Variants in EPC2 observed in about 807,000 individuals in gnomAD.
The protein encoded by EPC2 is enhancer of polycomb 2.
In EPC2, 14 loss-of-function variants were observed where a neutral mutation model predicts 92.1. The ratio of observed to expected loss-of-function variants is 0.15; its 90% CI spans 0.10 to 0.24. The LOEUF is 0.24. Ranked by LOEUF, EPC2 falls within the 10% of genes least tolerant of loss-of-function variation. The probability of loss-of-function intolerance (pLI) is 1.00; values close to 1 mark genes in which losing one functional copy is unlikely to be tolerated. For synonymous variants in EPC2, 340 were observed against 334.7 expected (o/e 1.02, Z -0.17); for missense variants, 755 against 971.5 (o/e 0.78, Z 2.96).
chr2:148,770,843 T>G lies in EPC2; in HGVS notation c.1282T>G (p.Leu428Val), dbSNP rs367952044. Reference sequence around the variant, plus strand: ...ATGTGAAAATTCAGAATTGGCAGATTTGGATAAGTTGAGGTATAGGCATTG... The same window carrying G: ...ATGTGAAAATTCAGAATTGGCAGATGTGGATAAGTTGAGGTATAGGCATTG... The part of the protein sequence containing the change: ...HSCENSELAD[L>V]DKLRYRHCLT... Residue 428 changes from leucine (L) to valine (V), a missense_variant, in exon 9 of 14, where the codon TTG (leucine) becomes GTG (valine). Transcript: ENST00000258484. 4.9e-5 allele frequency: 79 copies of G among 1,613,710 alleles called. No individual in the cohort carries two copies. Among genetic ancestry groups the G allele is most frequent in the Non-Finnish European group, 6.4e-5 (76 of 1,179,840 alleles).
chr2:148,743,541 G>A (rs1203158830), intron 2 of EPC2, 81 bp from the exon 3 acceptor site: 6 of 1,123,710 alleles, frequency 5.3e-6, no homozygotes, highest in Non-Finnish European at 7.3e-6. Flanking sequence ...TAATTTAGAG[G>A]TAGTCTGCAG....
intron 2 of EPC2, among the ~76,000 whole-genome samples, chr2:148,706,081 C>A (rs867621090): frequency 6.6e-6 from 1 of 152,058 alleles, no homozygotes; most frequent in Non-Finnish European, 1.5e-5. Flanking sequence ...TTGAACCCAA[C>A]GCAAGGAAGC....
intron 2 of EPC2, among the ~76,000 whole-genome samples, chr2:148,705,248 T>G (rs1391871956): frequency 6.6e-6 from 1 of 152,198 alleles, no homozygotes; most frequent in African/African-American, 2.4e-5. Flanking sequence ...TTCTAACTCT[T>G]AAGTAAGATG....
intron 1 of EPC2, among the ~76,000 whole-genome samples, chr2:148,648,384 A>G (rs1683849673): frequency 6.6e-6 from 1 of 152,208 alleles, no homozygotes; most frequent in Non-Finnish European, 1.5e-5. Context: ...AAATATTTCT[A>G]AGCAGCAGTA....
Position 148,754,148 on chromosome 2 carries a change from A to T in EPC2, c.666+15A>T, listed in dbSNP as rs762723583. ...AAACTCGAAAGGTAATGTGCAAATTAGGTTTCATTGAAGGTAGCTTAATAG... is the reference window on the plus strand; with the variant it reads ...AAACTCGAAAGGTAATGTGCAAATTTGGTTTCATTGAAGGTAGCTTAATAG... On this transcript the variant is annotated intron_variant, in intron 4 of 13. Coordinates refer to ENST00000258484, the MANE Select transcript of EPC2 (RefSeq NM_015630.4). 5.1e-6 allele frequency: 8 copies of T among 1,567,406 alleles called. No homozygotes were observed. The Admixed American group carries it at 7.6e-5, about 15-fold the overall frequency.
At position 148,645,777 on chromosome 2, in the gene EPC2, G is replaced by T. The variant is rs920077172; in HGVS notation, c.153+607G>T. 1.2e-4 allele frequency among the ~76,000 whole-genome samples: 18 copies of T among 152,030 alleles called. No homozygotes were observed. In the East Asian group the frequency reaches 3.5e-3, roughly 30 times the overall value. ...TCGTAGCGTCCGAGGGCCGCCCGCC[G>T]GCCAGTTCTGCCGACCCGAGCCGGG... On this transcript the variant is annotated intron_variant, in intron 1 of 13. Transcript: ENST00000258484.
At chr2:148,743,832 T>C in intron 3 of EPC2, 65 bp downstream of exon 3, 2 of 1,236,010 alleles carry the variant, frequency 1.6e-6, no homozygotes, top group Non-Finnish European at 2.2e-6. Flanking sequence ...TTATAAGACC[T>C]GAGTGTGTTG....
chr2:148,665,689 T>G (rs1681043203), intron 1 of EPC2, among the ~76,000 whole-genome samples: 1 of 152,190 alleles, frequency 6.6e-6, no homozygotes. Context: ...CTTTTATATT[T>G]CTGTTTAGGA....
intron 3 of EPC2, among the ~76,000 whole-genome samples, chr2:148,749,507 T>C (rs2105412757): frequency 6.6e-6 from 1 of 152,146 alleles, no homozygotes; most frequent in East Asian, 1.9e-4. Context: ...ATGCAGCATT[T>C]TAATTGTTTA....
intron 10 of EPC2, among the ~76,000 whole-genome samples, chr2:148,774,247 T>TGAGG (rs1683580005): frequency 6.6e-6 from 1 of 152,172 alleles, no homozygotes; most frequent in Admixed American, 6.5e-5. Context: ...TATGTGGAAT[T>TGAGG]GAGGGCTAGT....
At chr2:148,777,553 C>CATAT (rs1683671079) in intron 10 of EPC2, among the ~76,000 whole-genome samples, 1 of 149,348 alleles carries the variant, frequency 6.7e-6, no homozygotes, top group Admixed American at 6.8e-5. Flanking sequence ...AAAGATTTCC[C>CATAT]ATATACTCAA....
At chr2:148,662,331 G>T (rs535220671) in intron 1 of EPC2, among the ~76,000 whole-genome samples, 1 of 152,180 alleles carries the variant, frequency 6.6e-6, no homozygotes, top group African/African-American at 2.4e-5. Flanking sequence ...ATACCCAAAG[G>T]ATTATAAATC....
At chr2:148,735,214 T>C (rs771811341) in intron 2 of EPC2, among the ~76,000 whole-genome samples, 12 of 152,094 alleles carry the variant, frequency 7.9e-5, no homozygotes, top group Non-Finnish European at 1.8e-4. Context: ...TGTTTAACTT[T>C]AGATACTGCA....
At chr2:148,661,801 A>G (rs1324091851) in intron 1 of EPC2, among the ~76,000 whole-genome samples, 3 of 152,202 alleles carry the variant, frequency 2.0e-5, no homozygotes, top group Non-Finnish European at 2.9e-5. Context: ...GGAGATTACC[A>G]TATGATTTTC....
intron 1 of EPC2, among the ~76,000 whole-genome samples, chr2:148,657,278 A>G (rs572799593): frequency 6.6e-6 from 1 of 152,308 alleles, no homozygotes; most frequent in Admixed American, 6.5e-5. Context: ...GTAAAAGCCA[A>G]GTACTTGGAA....
intron 1 of EPC2, among the ~76,000 whole-genome samples, chr2:148,653,901 T>G (rs1006121005): frequency 5.9e-5 from 9 of 152,080 alleles, no homozygotes; most frequent in Non-Finnish European, 1.2e-4. Context: ...TTTCCTCATC[T>G]GTTTAATAAG....
chr2:148,772,857 A>G (rs1683553840), intron 10 of EPC2, among the ~76,000 whole-genome samples: 1 of 152,166 alleles, frequency 6.6e-6, no homozygotes, highest in Non-Finnish European at 1.5e-5. Flanking sequence ...CAAAGTTCCA[A>G]TTTATTTAAC....
chr2:148,695,753 A>G (rs958268101), intron 2 of EPC2, among the ~76,000 whole-genome samples: 6 of 152,192 alleles, frequency 3.9e-5, no homozygotes, highest in South Asian at 2.1e-4. Flanking sequence ...CAGGAACATC[A>G]TTTTCTTGTA....
rs1431258100 is a variant in EPC2 at position 148,743,668 on chromosome 2, A to G, written c.360A>G (p.Glu120=). 3 of 1,601,802 alleles carry G rather than the reference A, an allele frequency of 1.9e-6. No homozygotes were observed. The highest frequency in any genetic ancestry group is 2.6e-6 in the Non-Finnish European group (3 of 1,175,018). The change falls in exon 3 of 14, where the codon GAA becomes GAG. Residue 120 remains glutamate (E), a synonymous_variant. Transcript: ENST00000258484. ...AACCAGATTATGATATGGATTCAGA[A>G]GATGAGACTTTATTAAATAGACTTA... ...NEQPDYDMDS[E]DETLLNRLNR...
Sources: allele counts gnomAD v4.1 joint callset (sites outside exome capture counted in the v4.1 genomes callset), GRCh38; gene constraint gnomAD v4.1.1; transcripts MANE v1.5; gene names NCBI Gene and HGNC (gene_info 2026-07-23, HGNC 2026-07-21).